Variants in HMCN1 observed in about 807,000 individuals in gnomAD.
HMCN1 encodes the protein hemicentin-1.
Under a neutral mutation model 625.9 loss-of-function variants are expected in HMCN1, and 321 were observed. The observed-to-expected ratio is 0.51, with a 90% CI of 0.47 to 0.56. HMCN1 has a LOEUF of 0.56. Among genes scored for constraint, HMCN1 ranks in the 20% least tolerant of loss-of-function variants. HMCN1 has a pLI of 0.00. For synonymous variants in HMCN1, 2,425 were observed against 2,417.6 expected (o/e 1.00, Z -0.09); for missense variants, 6,588 against 6,887.3 (o/e 0.96, Z 1.54).
chr1:186,137,791 C>T lies in HMCN1; in HGVS notation c.13754-11C>T. The T allele has an allele frequency of 6.2e-7, 1 of 1,614,050 alleles. No individual in the cohort carries two copies. The highest frequency in any genetic ancestry group is 8.5e-7 in the Non-Finnish European group (1 of 1,179,972). ...ATATACCTGATGGTGTAATGGTTCA[C>T]CTTTGTATAGTGGATGGTAGCTGGT... is the stretch of plus-strand genomic sequence containing the variant. On this transcript the variant is annotated splice_polypyrimidine_tract_variant and intron_variant, in intron 88 of 106. Transcript: ENST00000271588.
At chr1:186,088,860 C>G (rs1209789995) in intron 63 of HMCN1, 105 bp downstream of exon 63, 2 of 1,104,018 alleles carry the variant, frequency 1.8e-6, no homozygotes, top group Non-Finnish European at 2.6e-6. Context: ...TTCAACATAT[C>G]TTTAGATCAT....
intron 93 of HMCN1, among the ~76,000 whole-genome samples, chr1:186,149,925 G>T (rs914078980): frequency 6.6e-6 from 1 of 152,050 alleles, no homozygotes; most frequent in Non-Finnish European, 1.5e-5. Flanking sequence ...ATATGGGCAT[G>T]GTTCATGAAA....
rs116233173 is a variant in HMCN1 at position 185,740,651 on chromosome 1, G to C, written c.268+5604G>C. Among the ~76,000 whole-genome samples the C allele has an allele frequency of 9.9e-3, 1,225 of 124,202 alleles. 12 individuals carry two copies. The highest frequency in any genetic ancestry group is 0.046 in the Middle Eastern group (8 of 174). The allele number at this position is 124,202 out of a possible 152,430, so 81.5% of individuals were successfully genotyped here. A position where few individuals can be genotyped will look rare whatever the true frequency, so the allele number is the denominator to read the frequency against. ...GCAAGTTCTTGCTCTTGTGTGAATA[G>C]ATTAATTCCTTTAAGAGTAAGTTGA... On this transcript the variant is annotated intron_variant, in intron 1 of 106. Transcript: ENST00000271588.
intron 4 of HMCN1, among the ~76,000 whole-genome samples, chr1:185,894,839 T>A (rs1337919239): frequency 6.6e-6 from 1 of 152,236 alleles, no homozygotes; most frequent in Non-Finnish European, 1.5e-5. Context: ...ATGAAAATAA[T>A]TACTGAAGCT....
At chr1:185,822,576 T>C (rs1430254725) in intron 1 of HMCN1, among the ~76,000 whole-genome samples, 1 of 152,180 alleles carries the variant, frequency 6.6e-6, no homozygotes, top group African/African-American at 2.4e-5. Flanking sequence ...TGATTAAGTC[T>C]ACTATGACTT....
At chr1:186,099,877 G>C (rs542779287) in intron 68 of HMCN1, among the ~76,000 whole-genome samples, 1 of 152,238 alleles carries the variant, frequency 6.6e-6, no homozygotes, top group South Asian at 2.1e-4. Context: ...AAAGCTCTGA[G>C]AACTTTGAGG....
At chr1:185,892,507 G>A (rs888165725) in intron 4 of HMCN1, among the ~76,000 whole-genome samples, 2 of 151,976 alleles carry the variant, frequency 1.3e-5, no homozygotes, top group South Asian at 2.1e-4. Context: ...TGTCCTTTCT[G>A]TCTGTTAGTT....
chr1:186,103,679 A>G lies in HMCN1; in HGVS notation c.10770+11A>G. On this transcript the variant is annotated intron_variant, in intron 69 of 106. Transcript: ENST00000271588. ...ATTTCTACTGCTCAGGTAAGTGTCA[A>G]AGTTCATAGAATTATTTTAGGTTAG... 1 of 1,610,558 alleles carries G rather than the reference A, an allele frequency of 6.2e-7. No individual in the cohort carries two copies. The highest frequency in any genetic ancestry group is 8.5e-7 in the Non-Finnish European group (1 of 1,177,444).
intron 19 of HMCN1, among the ~76,000 whole-genome samples, chr1:185,985,023 A>G (rs932416687): frequency 1.3e-5 from 2 of 152,166 alleles, no homozygotes; most frequent in African/African-American, 4.8e-5. Context: ...ACTACAAAAT[A>G]CTTATTTTTA....
At chr1:185,876,730 A>G (rs11586312) in intron 4 of HMCN1, among the ~76,000 whole-genome samples, 25,017 of 151,934 alleles carry the variant, frequency 0.16, 2,698 homozygotes, top group Non-Finnish European at 0.24. Flanking sequence ...ATCTGTTCAT[A>G]TCCTTTGTCC....
intron 1 of HMCN1, among the ~76,000 whole-genome samples, chr1:185,819,107 G>C (rs1397984438): frequency 6.6e-6 from 1 of 151,682 alleles, no homozygotes; most frequent in Non-Finnish European, 1.5e-5. Flanking sequence ...TGTGGTGGTG[G>C]GTGCCTGTAA....
chr1:186,038,792 T>A lies in HMCN1; in HGVS notation c.5852-37T>A, dbSNP rs920413203. ...AACTTAGTATATTTAATTTAAAAAA[T>A]TTTTACATAGATCATCTTCTCCCCT... On this transcript the variant is annotated intron_variant, in intron 37 of 106. Transcript: ENST00000271588. 8 of 1,368,978 alleles carry A rather than the reference T, an allele frequency of 5.8e-6. No individual in the cohort carries two copies. The Middle Eastern group carries it at 1.2e-3, about 207-fold the overall frequency. The allele number at this position is 1,368,978 out of a possible 1,614,324, so 84.8% of individuals were successfully genotyped here.
chr1:185,868,959 G>A (rs1188143242), intron 4 of HMCN1, among the ~76,000 whole-genome samples: 2 of 152,130 alleles, frequency 1.3e-5, no homozygotes, highest in Non-Finnish European at 2.9e-5. Context: ...CATTGCTAAA[G>A]TTGTCCATTT....
chr1:186,026,856 A>G (rs1436244818), intron 36 of HMCN1, among the ~76,000 whole-genome samples: 1 of 151,798 alleles, frequency 6.6e-6, no homozygotes, highest in Non-Finnish European at 1.5e-5. Context: ...GCTGGTCTTG[A>G]ACTCCTGGGC....
At chr1:185,763,081 A>T (rs1030048524) in intron 1 of HMCN1, among the ~76,000 whole-genome samples, 2 of 152,214 alleles carry the variant, frequency 1.3e-5, no homozygotes, top group Admixed American at 6.5e-5. Context: ...CATTGATTCC[A>T]GGAGCACCTG....
At chr1:185,864,389 C>T in intron 2 of HMCN1, 81 bp from the exon 3 acceptor site, 1 of 1,359,084 alleles carries the variant, frequency 7.4e-7, no homozygotes, top group Non-Finnish European at 1.0e-6. Flanking sequence ...CGTTCTAAAA[C>T]TCCCAAAGCA....
At chr1:185,928,253 G>T (rs1667374064) in intron 9 of HMCN1, among the ~76,000 whole-genome samples, 1 of 152,022 alleles carries the variant, frequency 6.6e-6, no homozygotes, top group African/African-American at 2.4e-5. Context: ...ATATTTCTTT[G>T]CCAGCTCTGT....
At chr1:186,118,681 C>A (rs917160973) in intron 77 of HMCN1, among the ~76,000 whole-genome samples, 2 of 152,126 alleles carry the variant, frequency 1.3e-5, no homozygotes, top group African/African-American at 4.8e-5. Flanking sequence ...TAAAAAGGAA[C>A]AAAATATTGA....
chr1:186,022,675 T>C (rs1654797459), intron 35 of HMCN1, among the ~76,000 whole-genome samples: 1 of 152,166 alleles, frequency 6.6e-6, no homozygotes. Flanking sequence ...TTTAAAACTA[T>C]GAATTTTTAT....
Sources: gnomAD v4.1 joint callset for allele counts (sites outside exome capture counted in the v4.1 genomes callset) on GRCh38, gnomAD v4.1.1 for gene constraint, MANE v1.5 for transcripts, NCBI Gene and HGNC (gene_info 2026-07-23, HGNC 2026-07-21) for gene names.